The following PCDHA9 variants were observed in gnomAD, a reference collection of about 807,000 sequenced individuals.
The protein encoded by PCDHA9 is protocadherin alpha-9.
In PCDHA9, 62 loss-of-function variants were observed where a neutral mutation model predicts 62.0. The observed-to-expected ratio is 1.00, with a 90% CI of 0.81 to 1.23. The LOEUF (loss-of-function observed/expected upper bound fraction) is 1.23. Ranked by LOEUF, PCDHA9 falls within the 50% of genes most tolerant of loss-of-function variation. The probability of loss-of-function intolerance (pLI) is 0.00; values close to 1 mark genes in which losing one functional copy is unlikely to be tolerated. For missense variants in PCDHA9, 1,205 were observed against 1,249.8 expected, an observed-to-expected ratio of 0.96 and a Z score of 0.54; for synonymous variants, 557 against 567.6, an observed-to-expected ratio of 0.98 and a Z score of 0.27.
chr5:140,862,236 A>G (rs2047269421), intron 1 of PCDHA9: 1 of 213,620 alleles, frequency 4.7e-6, no homozygotes, highest in African/African-American at 2.3e-5. Context: ...CTTGGACATC[A>G]ATGATAGTGT....
chr5:140,992,342 T>C (rs2097506091), intron 3 of PCDHA9, among the ~76,000 whole-genome samples: 1 of 152,102 alleles, frequency 6.6e-6, no homozygotes. Flanking sequence ...AAGATGGAAA[T>C]GTGGAGAGAG....
intron 1 of PCDHA9, chr5:140,865,597 G>A (rs1391602074): frequency 6.6e-6 from 1 of 152,154 alleles, no homozygotes; most frequent in Non-Finnish European, 1.5e-5. Context: ...CATTGTTTGA[G>A]CAGTTTATTA....
chr5:140,962,619 T>C (rs1405135656), intron 1 of PCDHA9, among the ~76,000 whole-genome samples: 1 of 152,212 alleles, frequency 6.6e-6, no homozygotes, highest in East Asian at 1.9e-4. Context: ...GGAAGGGAGA[T>C]GTGAAAAAAT....
intron 3 of PCDHA9, among the ~76,000 whole-genome samples, chr5:140,985,795 A>G (rs2097171299): frequency 7.3e-6 from 1 of 136,386 alleles, no homozygotes; most frequent in African/African-American, 2.8e-5. Context: ...GCTGGAGTGC[A>G]GTGGCACGAT....
chr5:140,990,977 G>T (rs1554251868), intron 3 of PCDHA9, among the ~76,000 whole-genome samples: 1 of 152,156 alleles, frequency 6.6e-6, no homozygotes, highest in African/African-American at 2.4e-5. Context: ...CAAGAGAAAG[G>T]AAGACAATAG....
chr5:140,876,165 C>A, intron 1 of PCDHA9: 3 of 1,613,944 alleles, frequency 1.9e-6, no homozygotes, highest in Non-Finnish European at 2.5e-6. Flanking sequence ...TTCAAATAAC[C>A]GTCCTGGATG....
At chr5:140,907,166 A>C (rs2073212277) in intron 1 of PCDHA9, among the ~76,000 whole-genome samples, 2 of 152,174 alleles carry the variant, frequency 1.3e-5, no homozygotes, top group Non-Finnish European at 2.9e-5. Context: ...CATATATTGG[A>C]TGCTGATTCA....
rs199624636 is a variant in PCDHA9, at chr5:141,009,721, C to T, written c.2637C>T (p.Ser879=). The change falls in exon 4 of 4, where the codon TCC becomes TCT. Residue 879 remains serine (S), a synonymous_variant. Coordinates refer to ENST00000532602, the MANE Select transcript of PCDHA9 (RefSeq NM_031857.2). ...FKYGPGNPKQ[S]GPGELPDKFI... ...ACGGACCAGGCAACCCCAAACAATCCGGTCCCGGTGAGTTGCCCGACAAAT... is the reference window on the plus strand; with the variant it reads ...ACGGACCAGGCAACCCCAAACAATCTGGTCCCGGTGAGTTGCCCGACAAAT... 1.3e-5 allele frequency: 21 copies of T among 1,614,012 alleles called. No individual in the cohort carries two copies. The highest frequency in any genetic ancestry group is 1.7e-5 in the Non-Finnish European group (20 of 1,180,038).
intron 1 of PCDHA9, among the ~76,000 whole-genome samples, chr5:140,938,974 G>T (rs534312375): frequency 6.6e-6 from 1 of 152,230 alleles, no homozygotes; most frequent in Non-Finnish European, 1.5e-5. Context: ...TGGCATCAAG[G>T]CTATCCTGGC....
At position 140,848,871 on chromosome 5, in the gene PCDHA9, A is replaced by G. The variant is rs2040646232; in HGVS notation, c.376A>G (p.Ile126Val). The G allele has an allele frequency of 4.4e-6, 7 of 1,590,744 alleles. 1 individual carries two copies. The African/African-American group carries it at 6.8e-5, about 15-fold the overall frequency. Residue 126 changes from isoleucine to valine, a missense_variant, in exon 1 of 4, where the codon ATT becomes GTT. Ile to Val is a conservative substitution (Grantham distance 29). Coordinates refer to ENST00000532602, the MANE Select transcript of PCDHA9 (RefSeq NM_031857.2). ...CCATGTGGACGTGGAGGTGAAGGAC[A>G]TTAACGACAACCCTCCAGTGTTCCC... ...VFHVDVEVKD[I>V]NDNPPVFPAT...
chr5:140,989,597 G>A (rs1168398697), intron 3 of PCDHA9, among the ~76,000 whole-genome samples: 1 of 152,144 alleles, frequency 6.6e-6, no homozygotes, highest in Non-Finnish European at 1.5e-5. Flanking sequence ...ACTGACACAA[G>A]TAAACTAAAA....
intron 1 of PCDHA9, among the ~76,000 whole-genome samples, chr5:140,939,059 T>C (rs2092309221): frequency 6.6e-6 from 1 of 152,234 alleles, no homozygotes; most frequent in Non-Finnish European, 1.5e-5. Flanking sequence ...TTTGGGCTGC[T>C]ATATCAAAAT....
chr5:140,964,585 T>C (rs1275209289), intron 1 of PCDHA9, among the ~76,000 whole-genome samples: 1 of 151,992 alleles, frequency 6.6e-6, no homozygotes, highest in Non-Finnish European at 1.5e-5. Flanking sequence ...GGAGGAAAGA[T>C]CACTTTTCAT....
rs563698448 is a variant in PCDHA9 at position 140,899,116 on chromosome 5, T to G, written c.2394+48227T>G. On this transcript the variant is annotated intron_variant, in intron 1 of 3. Transcript: ENST00000532602. ...CTGAGATAATGGGGTTTTCTAGATA[T>G]ACAATCATGTCTTCTGCAAACAGGG... 5.8e-3 allele frequency among the ~76,000 whole-genome samples: 880 copies of G among 152,244 alleles called. 11 individuals are homozygous for G. Among genetic ancestry groups the G allele is most frequent in the African/African-American group, 0.019 (802 of 41,486 alleles).
intron 3 of PCDHA9, among the ~76,000 whole-genome samples, chr5:140,990,715 A>T (rs927680875): frequency 1.3e-5 from 2 of 152,194 alleles, no homozygotes; most frequent in Admixed American, 6.5e-5. Flanking sequence ...GGATAAGAGC[A>T]TCACTAGGTA....
intron 1 of PCDHA9, among the ~76,000 whole-genome samples, chr5:140,973,301 A>C (rs1469183006): frequency 1.3e-5 from 2 of 152,034 alleles, no homozygotes; most frequent in Admixed American, 6.6e-5. Context: ...CTATCTGATG[A>C]CTCTATCCTG....
chr5:140,984,645 C>T (rs1354690786), intron 3 of PCDHA9, among the ~76,000 whole-genome samples: 1 of 152,164 alleles, frequency 6.6e-6, no homozygotes, highest in African/African-American at 2.4e-5. Flanking sequence ...TGCCTTCTCC[C>T]TGTCCTTCTG....
At chr5:140,971,968 A>G (rs1049886222) in intron 1 of PCDHA9, among the ~76,000 whole-genome samples, 3 of 152,124 alleles carry the variant, frequency 2.0e-5, no homozygotes, top group Non-Finnish European at 4.4e-5. Flanking sequence ...CTTTTTTTCA[A>G]TACTATGAGT....
chr5:140,855,100 C>G (rs1054682058), intron 1 of PCDHA9, among the ~76,000 whole-genome samples: 2 of 149,782 alleles, frequency 1.3e-5, no homozygotes, highest in Non-Finnish European at 3.0e-5. Flanking sequence ...TGTGCAGTAG[C>G]AATAATTAAG....
Sources: allele counts gnomAD v4.1 joint callset (sites outside exome capture counted in the v4.1 genomes callset), GRCh38; gene constraint gnomAD v4.1.1; transcripts MANE v1.5; gene names NCBI Gene and HGNC (gene_info 2026-07-23, HGNC 2026-07-21).